Variants in RAD51B observed in about 807,000 individuals in gnomAD.
RAD51B encodes the protein RAD51 paralog B, also known as DNA repair protein RAD51 homolog 2.
RAD51B carries 38 observed loss-of-function variants against 42.2 expected under a neutral mutation model. That is an observed-to-expected ratio of 0.90 (90% CI 0.70 to 1.18). The LOEUF (loss-of-function observed/expected upper bound fraction) is 1.18. Among genes scored for constraint, RAD51B ranks in the 50% most tolerant of loss-of-function variants. The pLI is 0.00. For missense variants in RAD51B, 373 were observed against 400.7 expected (o/e 0.93, Z 0.59); for synonymous variants, 154 against 145.2 (o/e 1.06, Z -0.43).
chr14:68,200,462 C>T (rs2079459840), intron 7 of RAD51B, among the ~76,000 whole-genome samples: 1 of 152,096 alleles, frequency 6.6e-6, no homozygotes, highest in Admixed American at 6.5e-5. Context: ...TAACATTTTA[C>T]TATGGAAAAT....
intron 7 of RAD51B, among the ~76,000 whole-genome samples, chr14:67,893,406 GGAGCTA>G (rs2043279821): frequency 6.6e-6 from 1 of 151,148 alleles, no homozygotes; most frequent in African/African-American, 2.4e-5. Flanking sequence ...CACTTGGCCA[GGAGCTA>G]GAGACCAGAC....
intron 9 of RAD51B, among the ~76,000 whole-genome samples, chr14:68,416,200 A>G (rs929753150): frequency 6.6e-6 from 1 of 152,188 alleles, no homozygotes; most frequent in African/African-American, 2.4e-5. Context: ...ATTTCTTTGC[A>G]TCTTGGAAAT....
At chr14:68,061,286 C>T (rs2076565086) in intron 7 of RAD51B, among the ~76,000 whole-genome samples, 1 of 151,978 alleles carries the variant, frequency 6.6e-6, no homozygotes, top group Non-Finnish European at 1.5e-5. Context: ...CCAGGCTGGT[C>T]TCAAACTCCT....
intron 9 of RAD51B, among the ~76,000 whole-genome samples, chr14:68,430,716 T>C (rs538107143): frequency 4.3e-4 from 65 of 152,316 alleles, no homozygotes; most frequent in African/African-American, 1.3e-3. Context: ...TTTTACTTCC[T>C]CTTTTCCTAA....
At chr14:68,153,271 G>A (rs1454696965) in intron 7 of RAD51B, among the ~76,000 whole-genome samples, 1 of 152,078 alleles carries the variant, frequency 6.6e-6, no homozygotes, top group Non-Finnish European at 1.5e-5. Flanking sequence ...TCAATTATCT[G>A]TAAAATATAT....
intron 10 of RAD51B, among the ~76,000 whole-genome samples, chr14:68,552,885 G>A (rs149689169): frequency 9.1e-4 from 139 of 152,258 alleles, no homozygotes; most frequent in Non-Finnish European, 1.5e-3. Flanking sequence ...TGAATCACAT[G>A]CAGCTTTTCT....
chr14:68,496,247 G>T (rs1419159268), intron 10 of RAD51B, among the ~76,000 whole-genome samples: 1 of 152,176 alleles, frequency 6.6e-6, no homozygotes, highest in Non-Finnish European at 1.5e-5. Flanking sequence ...CTATAAAAAG[G>T]AAAAAGTCAC....
chr14:68,417,134 A>G (rs2084581369), intron 9 of RAD51B, among the ~76,000 whole-genome samples: 1 of 152,156 alleles, frequency 6.6e-6, no homozygotes. Context: ...ATTCCTCCAA[A>G]GAAGGATTCA....
At chr14:67,972,014 A>G (rs2074908205) in intron 7 of RAD51B, among the ~76,000 whole-genome samples, 1 of 150,584 alleles carries the variant, frequency 6.6e-6, no homozygotes, top group Non-Finnish European at 1.5e-5. Flanking sequence ...TGGGGGCACA[A>G]AAATAAGGAT....
chr14:68,477,971 C>T lies in RAD51B; in HGVS notation c.*307C>T, dbSNP rs936619673. 3.4e-6 allele frequency: 4 copies of T among 1,162,294 alleles called. No individual in the cohort carries two copies. The highest frequency in any genetic ancestry group is 4.4e-5 in the Admixed American group (1 of 22,602). The allele number at this position is 1,162,294 out of a possible 1,614,324, so 72.0% of individuals were successfully genotyped here. ...TATAGCACCTTTCAACCAGGCACCTCAAAGCGGTTTAACCACATTAATTAA... is the reference window on the plus strand; with the variant it reads ...TATAGCACCTTTCAACCAGGCACCTTAAAGCGGTTTAACCACATTAATTAA... On this transcript the variant is annotated 3_prime_UTR_variant, in exon 11 of 11. Transcript: ENST00000471583.
chr14:67,928,380 G>T (rs1453260174), intron 7 of RAD51B, among the ~76,000 whole-genome samples: 2 of 152,160 alleles, frequency 1.3e-5, no homozygotes, highest in Non-Finnish European at 2.9e-5. Flanking sequence ...CAGAGACAGA[G>T]GGAGGGGGGC....
intron 7 of RAD51B, among the ~76,000 whole-genome samples, chr14:68,095,704 G>A (rs942700708): frequency 2.6e-5 from 4 of 151,860 alleles, no homozygotes; most frequent in Non-Finnish European, 5.9e-5. Context: ...AGCCAGGCAC[G>A]GTGGCTCATG....
intron 7 of RAD51B, among the ~76,000 whole-genome samples, chr14:67,997,536 C>T (rs1265247740): frequency 6.6e-6 from 1 of 152,132 alleles, no homozygotes; most frequent in African/African-American, 2.4e-5. Flanking sequence ...TTCTCTATAC[C>T]TCATCTTTTT....
chr14:68,098,520 T>C (rs7154645), intron 7 of RAD51B, among the ~76,000 whole-genome samples: 15,747 of 152,020 alleles, frequency 0.1, 2,471 homozygotes, highest in African/African-American at 0.34. Context: ...AGAACCATGG[T>C]GGGAGATGAA....
At chr14:68,421,140 C>G (rs1007118982) in intron 9 of RAD51B, among the ~76,000 whole-genome samples, 1 of 152,146 alleles carries the variant, frequency 6.6e-6, no homozygotes, top group Non-Finnish European at 1.5e-5. Context: ...TTCTCTTGCT[C>G]TAGGCATTAT....
chr14:68,266,523 G>T (rs974013823), intron 7 of RAD51B, among the ~76,000 whole-genome samples: 3 of 152,260 alleles, frequency 2.0e-5, no homozygotes, highest in African/African-American at 7.2e-5. Context: ...GAGAAGGTCA[G>T]AGAGTGACCT....
At chr14:68,402,128 T>C (rs182187767) in intron 8 of RAD51B, among the ~76,000 whole-genome samples, 2 of 152,322 alleles carry the variant, frequency 1.3e-5, no homozygotes, top group East Asian at 1.9e-4. Flanking sequence ...GGAAGATAAA[T>C]GTCTGAGCCT....
At chr14:67,910,097 T>A (rs971047505) in intron 7 of RAD51B, among the ~76,000 whole-genome samples, 5 of 152,154 alleles carry the variant, frequency 3.3e-5, no homozygotes, top group African/African-American at 9.7e-5. Flanking sequence ...TTTTCAGAAA[T>A]TTTTTTCTTC....
intron 7 of RAD51B, among the ~76,000 whole-genome samples, chr14:68,025,047 T>C (rs182978663): frequency 4.2e-4 from 64 of 152,284 alleles, no homozygotes; most frequent in Non-Finnish European, 8.4e-4. Context: ...TGAGGGTTTT[T>C]TTAATCACAA....
Sources: allele counts gnomAD v4.1 joint callset (sites outside exome capture counted in the v4.1 genomes callset), GRCh38; gene constraint gnomAD v4.1.1; transcripts MANE v1.5; gene names NCBI Gene and HGNC (gene_info 2026-07-23, HGNC 2026-07-21).